The following TF variants were observed in gnomAD, a reference collection of about 807,000 sequenced individuals.
TF encodes the protein transferrin.
TF carries 55 observed loss-of-function variants against 82.4 expected under a neutral mutation model. That is an observed-to-expected ratio of 0.67 (90% CI 0.54 to 0.84). The LOEUF (loss-of-function observed/expected upper bound fraction) is 0.84, where lower values mean the gene tolerates loss of function less well. TF is among the 40% of genes least tolerant of loss of function. The pLI, the probability that TF is intolerant of heterozygous loss-of-function variation, is 0.00. For missense variants in TF, 737 were observed against 868.4 expected, an observed-to-expected ratio of 0.85 and a Z score of 1.90; for synonymous variants, 332 against 332.6, an observed-to-expected ratio of 1.00 and a Z score of 0.02.
chr3:133,792,322 G>C lies in TF; in HGVS notation c.*13702G>C, dbSNP rs1342091460. The C allele has an allele frequency of 6.6e-6, 1 of 152,248 alleles. No individual in the cohort carries two copies. The highest frequency in any genetic ancestry group is 2.4e-5 in the African/African-American group (1 of 41,476). The allele number at this position is 152,248 out of a possible 1,614,324, so 9.4% of individuals were successfully genotyped here. A position where few individuals can be genotyped will look rare whatever the true frequency, so the allele number is the denominator to read the frequency against. On this transcript the variant is annotated 3_prime_UTR_variant, in exon 17 of 17. Transcript: ENST00000402696. The stretch of plus-strand genomic sequence containing the variant: ...AGTTAGAAAGTCAAAGCATGTCGTA[G>C]ATGGTCTGTGTAAGTCATGAAATAA...
the TF span, among the ~76,000 whole-genome samples, chr3:133,697,233 T>G: frequency 6.6e-6 from 1 of 152,212 alleles, no homozygotes. Flanking sequence ...TTTTAATTAG[T>G]GGGGTCACCT....
the TF span, among the ~76,000 whole-genome samples, chr3:133,682,902 T>G: frequency 2.0e-5 from 3 of 152,172 alleles, no homozygotes; most frequent in Admixed American, 1.3e-4. Flanking sequence ...AGACACATAA[T>G]TGTCAGATTC....
chr3:133,775,570 C>T lies in TF; in HGVS notation c.1825C>T (p.Arg609Trp), dbSNP rs773139494. 1.9e-6 allele frequency: 3 copies of T among 1,614,038 alleles called. No individual in the cohort carries two copies. The highest frequency in any genetic ancestry group is 1.3e-5 in the African/African-American group (1 of 74,910). ...AGCCCCGAATCACGCTGTGGTCACA[C>T]GGAAAGATAAGGAAGCTTGCGTCCA... is the stretch of plus-strand genomic sequence containing the variant. ...ARAPNHAVVT[R>W]KDKEACVHKI... The change falls in exon 15 of 17, where the codon CGG (arginine) becomes TGG (tryptophan). Residue 609 changes from arginine to tryptophan, a missense_variant. Transcript: ENST00000402696.
chr3:133,724,190 C>A, the TF span, among the ~76,000 whole-genome samples: 11 of 152,162 alleles, frequency 7.2e-5, no homozygotes, highest in Non-Finnish European at 1.3e-4. Flanking sequence ...ATGGCTGGGT[C>A]AAATGGTATT....
In TF at chr3:133,789,984, C is replaced by T. The variant is rs116610983; in HGVS notation, c.*11364C>T. 2.0e-3 allele frequency: 275 copies of T among 140,668 alleles called. No homozygotes were observed. Among genetic ancestry groups the T allele is most frequent in the African/African-American group, 6.3e-3 (230 of 36,684 alleles). The allele number at this position is 140,668 out of a possible 1,614,324, so 8.7% of individuals were successfully genotyped here. Reference sequence around the variant, plus strand: ...AAATACGTATGTATTAACTTTGAGGCTCTTACTTAGGTTTAAGTGCACACC... The same window carrying T: ...AAATACGTATGTATTAACTTTGAGGTTCTTACTTAGGTTTAAGTGCACACC... On this transcript the variant is annotated 3_prime_UTR_variant, in exon 17 of 17. Transcript: ENST00000402696.
upstream of TF, among the ~76,000 whole-genome samples, chr3:133,742,131 A>G (rs1272818025): frequency 6.6e-6 from 1 of 152,126 alleles, no homozygotes; most frequent in Non-Finnish European, 1.5e-5. Context: ...CTACAGGTGC[A>G]TGCCACTGTG....
the TF span, among the ~76,000 whole-genome samples, chr3:133,712,129 T>G: frequency 6.6e-6 from 1 of 152,220 alleles, no homozygotes; most frequent in Non-Finnish European, 1.5e-5. Context: ...AACATGAATT[T>G]ACTGGTGTGG....
chr3:133,737,356 G>A, the TF span, among the ~76,000 whole-genome samples: 2 of 152,146 alleles, frequency 1.3e-5, no homozygotes, highest in African/African-American at 4.8e-5. Flanking sequence ...GCCCACAGGA[G>A]AAAGCAGGAA....
intron 14 of TF, chr3:133,774,408 A>G (rs1269578377): frequency 6.6e-6 from 1 of 152,262 alleles, no homozygotes; most frequent in Non-Finnish European, 1.5e-5. Flanking sequence ...ATAATACAGT[A>G]GTTAAGAAGA....
chr3:133,678,035 G>A, the TF span, among the ~76,000 whole-genome samples: 5 of 152,094 alleles, frequency 3.3e-5, no homozygotes, highest in African/African-American at 9.6e-5. Flanking sequence ...AACAGGCTCC[G>A]GTGTGTGCTC....
the TF span, among the ~76,000 whole-genome samples, chr3:133,736,736 T>C: frequency 7.0e-6 from 1 of 142,790 alleles, no homozygotes; most frequent in Admixed American, 7.0e-5. Context: ...TATTACATAA[T>C]GGTAAAAAGA....
chr3:133,747,330 G>A (rs1478316468), intron 1 of TF: 1 of 152,372 alleles, frequency 6.6e-6, no homozygotes, highest in East Asian at 1.9e-4. Context: ...GAACTCTGGA[G>A]GCAGGGCTTT....
chr3:133,673,243 A>C, the TF span, among the ~76,000 whole-genome samples: 39 of 152,228 alleles, frequency 2.6e-4, no homozygotes, highest in Non-Finnish European at 4.9e-4. Flanking sequence ...GAGATTCCTA[A>C]GGATCTGAAA....
Position 133,748,454 on chromosome 3 carries a change from C to T in TF, c.86C>T (p.Ala29Val). 1 of 1,614,128 alleles carries T rather than the reference C, an allele frequency of 6.2e-7. No individual in the cohort carries two copies. The highest frequency in any genetic ancestry group is 8.5e-7 in the Non-Finnish European group (1 of 1,180,030). Reference sequence around the variant, plus strand: ...CCTGATAAAACTGTGAGATGGTGTGCAGTGTCGGAGCATGAGGCCACTAAG... The same window carrying T: ...CCTGATAAAACTGTGAGATGGTGTGTAGTGTCGGAGCATGAGGCCACTAAG... ...AVPDKTVRWC[A>V]VSEHEATKCQ... The change falls in exon 2 of 17, where the codon GCA becomes GTA. Residue 29 changes from alanine (A) to valine (V), a missense_variant. Transcript: ENST00000402696.
At chr3:133,729,158 G>T in the TF span, among the ~76,000 whole-genome samples, 1 of 152,162 alleles carries the variant, frequency 6.6e-6, no homozygotes, top group Non-Finnish European at 1.5e-5. Context: ...CTCCAGCTGC[G>T]TGCTGGGAGA....
At chr3:133,703,268 T>C in the TF span, among the ~76,000 whole-genome samples, 751 of 152,322 alleles carry the variant, frequency 4.9e-3, 9 homozygotes, top group African/African-American at 0.017. Context: ...GTATTACTCA[T>C]TTAGTCTTCA....
chr3:133,746,268 A>T, upstream of TF: 1 of 711,844 alleles, frequency 1.4e-6, no homozygotes, highest in Non-Finnish European at 2.5e-6. Flanking sequence ...TGGGACGAGT[A>T]AGGAAGGGGG....
Position 133,778,809 on chromosome 3 carries a change from C to T in TF, c.*189C>T, listed in dbSNP as rs1934457837. 7.5e-6 allele frequency: 4 copies of T among 534,424 alleles called. 1 individual carries two copies. In the South Asian group the frequency reaches 8.2e-5, roughly 11 times the overall value. 33.1% of individuals were successfully genotyped at this position (534,424 alleles called of 1,614,324 possible). ...TATATTTCAAAAACTCCATTCTTTC[C>T]TAAATATTTTCAACAAAGGATTTCT... On this transcript the variant is annotated 3_prime_UTR_variant, in exon 17 of 17. Coordinates refer to ENST00000402696, the MANE Select transcript of TF (RefSeq NM_001063.4).
At chr3:133,698,186 A>G in the TF span, among the ~76,000 whole-genome samples, 7 of 152,182 alleles carry the variant, frequency 4.6e-5, no homozygotes, top group Non-Finnish European at 8.8e-5. Context: ...GCCTGCTCCC[A>G]CTCTGTAGAG....
Sources: allele counts gnomAD v4.1 joint callset (sites outside exome capture counted in the v4.1 genomes callset), GRCh38; gene constraint gnomAD v4.1.1; transcripts MANE v1.5; gene names NCBI Gene and HGNC (gene_info 2026-07-23, HGNC 2026-07-21).